The following MRPL39 variants were observed in gnomAD, a reference collection of about 807,000 sequenced individuals.
The protein encoded by MRPL39 is large ribosomal subunit protein mL39.
Under a neutral mutation model 44.5 loss-of-function variants are expected in MRPL39, and 35 were observed. That is an observed-to-expected ratio of 0.79 (90% confidence interval 0.60 to 1.04). The LOEUF (loss-of-function observed/expected upper bound fraction) is 1.04. Ranked by LOEUF, MRPL39 falls within the 50% of genes least tolerant of loss-of-function variation. The probability of loss-of-function intolerance (pLI) is 0.00; values close to 1 mark genes in which losing one functional copy is unlikely to be tolerated. For missense variants in MRPL39, 433 were observed against 413.5 expected, an observed-to-expected ratio of 1.05 and a Z score of -0.41; for synonymous variants, 139 against 136.1, an observed-to-expected ratio of 1.02 and a Z score of -0.15.
intron 9 of MRPL39, among the ~76,000 whole-genome samples, chr21:25,586,757 T>C (rs564273582): frequency 3.0e-4 from 45 of 152,364 alleles, no homozygotes; most frequent in Non-Finnish European, 4.6e-4. Context: ...ATTATCTGCA[T>C]GGTCCACTTT....
chr21:25,599,714 A>G, intron 5 of MRPL39, 85 bp downstream of exon 5: 1 of 1,076,426 alleles, frequency 9.3e-7, no homozygotes, highest in Non-Finnish European at 1.4e-6. Context: ...AACATGCAGT[A>G]CCATTCAACA....
At position 25,601,402 on chromosome 21, in the gene MRPL39, A is replaced by T; in HGVS notation, c.486T>A (p.Tyr162Ter). Residue 162 changes from tyrosine to a stop codon, truncating the protein, a stop_gained, in exon 4 of 10, where the codon TAT becomes TAA. Coordinates refer to ENST00000352957, the MANE Select transcript of MRPL39 (RefSeq NM_017446.4). LOFTEE classifies it high-confidence loss of function. Reference protein sequence around the residue: ...CVIERAFKDEYMVNLVRAPEV... With the variant: ...CVIERAFKDE ...CTGGAGCTCTGACCAAATTGACCATATATTCATCTTTGAATGCCCTCTCTA... is the reference window on the plus strand; with the variant it reads ...CTGGAGCTCTGACCAAATTGACCATTTATTCATCTTTGAATGCCCTCTCTA... 2 of 1,611,246 alleles carry T rather than the reference A, an allele frequency of 1.2e-6. No individual in the cohort carries two copies. Among genetic ancestry groups the T allele is most frequent in the Non-Finnish European group, 1.7e-6 (2 of 1,178,362 alleles).
chr21:25,604,846 TA>T (rs1432291136), intron 2 of MRPL39, among the ~76,000 whole-genome samples: 1 of 152,218 alleles, frequency 6.6e-6, no homozygotes, highest in Non-Finnish European at 1.5e-5. Flanking sequence ...AGGTGTTCAA[TA>T]ACAGTTTACT....
chr21:25,589,421 A>ATTTT (rs3989368), intron 8 of MRPL39, among the ~76,000 whole-genome samples: 3 of 148,664 alleles, frequency 2.0e-5, no homozygotes, highest in Non-Finnish European at 1.5e-5. Flanking sequence ...ACAATAGTAA[A>ATTTT]TTTTTTTTTT....
chr21:25,595,574 C>T (rs915919696), intron 6 of MRPL39, among the ~76,000 whole-genome samples: 1 of 152,168 alleles, frequency 6.6e-6, no homozygotes, highest in Non-Finnish European at 1.5e-5. Context: ...AGTAAAGTAC[C>T]ATGGTGCACT....
chr21:25,585,896 A>C, intron 9 of MRPL39, 142 bp from the exon 10 acceptor site: 1 of 615,942 alleles, frequency 1.6e-6, no homozygotes, highest in Non-Finnish European at 2.8e-6. Flanking sequence ...GTTAGGTAAG[A>C]AGAAAGATTT....
intron 5 of MRPL39, 147 bp from the exon 6 acceptor site, chr21:25,597,561 A>G: frequency 5.9e-6 from 3 of 507,388 alleles, no homozygotes; most frequent in Non-Finnish European, 1.0e-5. Flanking sequence ...AAAGTTACTA[A>G]TTTGCAACAA....
Position 25,592,817 on chromosome 21 carries a change from A to C in MRPL39, c.916T>G (p.Leu306Val). ...RFQGVSLPVH[L>V]RAHFTIWDKL... The stretch of plus-strand genomic sequence containing the variant: ...GAACTTTAAGCTTTACTTACTCTTA[A>C]GTGAACAGGTAAAGACACGCCCTGG... Residue 306 changes from leucine to valine, a missense_variant, in exon 8 of 10, where the codon TTA (leucine) becomes GTA (valine). Coordinates refer to ENST00000352957, the MANE Select transcript of MRPL39 (RefSeq NM_017446.4). The C allele has an allele frequency of 1.2e-6, 2 of 1,605,890 alleles. No individual in the cohort carries two copies. Among genetic ancestry groups the C allele is most frequent in the Non-Finnish European group, 1.7e-6 (2 of 1,175,150 alleles).
chr21:25,593,281 C>G (rs2031240778), intron 7 of MRPL39, among the ~76,000 whole-genome samples: 1 of 152,154 alleles, frequency 6.6e-6, no homozygotes, highest in African/African-American at 2.4e-5. Flanking sequence ...TTACAATAAC[C>G]CATGTAACGA....
chr21:25,585,750 GTTA>G lies in MRPL39; in HGVS notation c.971_973del (p.Val324_Thr325delinsAla), dbSNP rs772682916. 1 of 1,582,850 alleles carries G rather than the reference GTTA, an allele frequency of 6.3e-7. No individual in the cohort carries two copies. The highest frequency in any genetic ancestry group is 2.3e-5 in the East Asian group (1 of 43,916). On this transcript the variant is annotated inframe_deletion and splice_region_variant, in exon 10 of 10. Transcript: ENST00000352957. ...CTCTGTTGCTTTACTTTGATCTTCAGTTACCTGTAAAAACATGAATAGCTTTAC... is the reference window on the plus strand; with the variant it reads ...CTCTGTTGCTTTACTTTGATCTTCAGCCTGTAAAAACATGAATAGCTTTAC...
rs1020016993 is a variant in MRPL39, at chr21:25,601,236, A to C, written c.520+132T>G. On this transcript the variant is annotated intron_variant, in intron 4 of 9. Coordinates refer to ENST00000352957, the MANE Select transcript of MRPL39 (RefSeq NM_017446.4). ...TACTTCATGTTTCATCATAGTAAGA[A>C]AGATTTTGTTACCCATGATAAATGA... is the stretch of plus-strand genomic sequence containing the variant. The C allele has an allele frequency of 7.6e-5, 33 of 436,890 alleles. No individual in the cohort carries two copies. The Admixed American group carries it at 1.3e-3, about 17-fold the overall frequency. 27.1% of individuals were successfully genotyped at this position (436,890 alleles called of 1,614,324 possible).
chr21:25,597,384 G>C lies in MRPL39; in HGVS notation c.619C>G (p.His207Asp). The change falls in exon 6 of 10, where the codon CAT becomes GAT. Residue 207 changes from histidine to aspartate, a missense_variant. Physicochemically the swap from His to Asp is moderately conservative, Grantham distance 81. Coordinates refer to ENST00000352957, the MANE Select transcript of MRPL39 (RefSeq NM_017446.4). ...ENLRSFTKDAHALIYKDLPFE... is the reference protein window; with the variant it reads ...ENLRSFTKDADALIYKDLPFE... ...GGAAGATCTTTATAAATTAAAGCATGAGCATCTTTTGTGAAGGAACGTAAG... is the reference window on the plus strand; with the variant it reads ...GGAAGATCTTTATAAATTAAAGCATCAGCATCTTTTGTGAAGGAACGTAAG... 6.3e-7 allele frequency: 1 copy of C among 1,596,194 alleles called. No homozygotes were observed. The highest frequency in any genetic ancestry group is 8.6e-7 in the Non-Finnish European group (1 of 1,167,698).
At chr21:25,606,417 G>A (rs913097548) in intron 2 of MRPL39, 32 bp downstream of exon 2, 2 of 1,529,490 alleles carry the variant, frequency 1.3e-6, no homozygotes, top group Admixed American at 1.9e-5. Context: ...TAAGTAAAAG[G>A]GTCAAAACTG....
At chr21:25,591,753 T>C (rs1032381122) in intron 8 of MRPL39, among the ~76,000 whole-genome samples, 4 of 152,174 alleles carry the variant, frequency 2.6e-5, no homozygotes, top group African/African-American at 9.7e-5. Flanking sequence ...ACCGTCACTC[T>C]GGAACACTTT....
At chr21:25,604,272 T>C (rs2031604205) in intron 2 of MRPL39, among the ~76,000 whole-genome samples, 2 of 151,852 alleles carry the variant, frequency 1.3e-5, no homozygotes, top group Admixed American at 1.3e-4. Flanking sequence ...AATAAATAAA[T>C]AAATAAAATA....
chr21:25,587,856 T>A (rs1300875465), intron 9 of MRPL39: 2 of 1,201,404 alleles, frequency 1.7e-6, no homozygotes, highest in African/African-American at 1.5e-5. Flanking sequence ...TGATGCTTAA[T>A]GTGCCTGCAA....
rs773501864 is a variant in MRPL39, at chr21:25,593,864, T to C, written c.767+29A>G. Reference sequence around the variant, plus strand: ...AATAAAGCTAAGCCTTACTCTAACATAGCAGCCAGTTTTTAGACTTTTACT... The same window carrying C: ...AATAAAGCTAAGCCTTACTCTAACACAGCAGCCAGTTTTTAGACTTTTACT... On this transcript the variant is annotated intron_variant, in intron 7 of 9. Transcript: ENST00000352957. The C allele has an allele frequency of 8.2e-6, 13 of 1,592,928 alleles. No homozygotes were observed. The East Asian group carries it at 2.5e-4, about 30-fold the overall frequency.
At position 25,585,801 on chromosome 21, in the gene MRPL39, T is replaced by C. The variant is rs762478328; in HGVS notation, c.970-47A>G. Reference sequence around the variant, plus strand: ...TACTTTCCTAATAAACACTTTCAGTTTTACCCTTCACCCACCATTTTAAAT... The same window carrying C: ...TACTTTCCTAATAAACACTTTCAGTCTTACCCTTCACCCACCATTTTAAAT... On this transcript the variant is annotated intron_variant, in intron 9 of 9. Transcript: ENST00000352957. 48 of 1,353,438 alleles carry C rather than the reference T, an allele frequency of 3.5e-5. 1 individual carries two copies. The highest frequency in any genetic ancestry group is 2.3e-4 in the South Asian group (18 of 79,990). The allele number at this position is 1,353,438 out of a possible 1,614,324, so 83.8% of individuals were successfully genotyped here.
intron 2 of MRPL39, among the ~76,000 whole-genome samples, chr21:25,605,856 G>T (rs917656611): frequency 6.6e-6 from 1 of 152,164 alleles, no homozygotes; most frequent in African/African-American, 2.4e-5. Flanking sequence ...TCCAGCCTGG[G>T]AGCAGGGCCA....
Sources: allele counts gnomAD v4.1 joint callset (sites outside exome capture counted in the v4.1 genomes callset), GRCh38; gene constraint gnomAD v4.1.1; transcripts MANE v1.5; gene names NCBI Gene and HGNC (gene_info 2026-07-23, HGNC 2026-07-21).